ZBTB20: variants seen among roughly 807,000 people sequenced by gnomAD.
ZBTB20 encodes zinc finger and BTB domain containing 20.
ZBTB20 carries 9 observed loss-of-function variants against 56.9 expected under a neutral mutation model. The observed-to-expected ratio is 0.16, with a 90% CI of 0.10 to 0.28. The LOEUF (loss-of-function observed/expected upper bound fraction) is 0.28, where lower values mean the gene tolerates loss of function less well. Ranked by LOEUF, ZBTB20 falls within the 10% of genes least tolerant of loss-of-function variation. The pLI is 1.00. For synonymous variants in ZBTB20, 417 were observed against 420.7 expected (o/e 0.99, Z 0.11); for missense variants, 655 against 1,003.0 (o/e 0.65, Z 4.69).
At chr3:114,627,338 C>T (rs1277888708) in intron 6 of ZBTB20, among the ~76,000 whole-genome samples, 1 of 152,186 alleles carries the variant, frequency 6.6e-6, no homozygotes, top group African/African-American at 2.4e-5. Flanking sequence ...TCAAATTACT[C>T]TGCGCTTCCA....
At chr3:114,571,088 G>A (rs1203338600) in intron 6 of ZBTB20, among the ~76,000 whole-genome samples, 1 of 151,992 alleles carries the variant, frequency 6.6e-6, no homozygotes, top group African/African-American at 2.4e-5. Flanking sequence ...ATTAAAAAAA[G>A]AAAGAAAATA....
At chr3:114,735,847 C>T (rs2108566443) in intron 5 of ZBTB20, among the ~76,000 whole-genome samples, 1 of 151,956 alleles carries the variant, frequency 6.6e-6, no homozygotes, top group Admixed American at 6.6e-5. Flanking sequence ...ACAGAGTGAG[C>T]CAAAAAGGAT....
chr3:114,991,768 C>A lies in ZBTB20; in HGVS notation c.-506-17352G>T, dbSNP rs536611101. On this transcript the variant is annotated intron_variant, in intron 2 of 11. Transcript: ENST00000675478. The stretch of plus-strand genomic sequence containing the variant: ...CTCTTTGTAGGTCTCTAAGGACTTG[C>A]TTTATGAATCTGGGTGCTCCTGTAT... Among the ~76,000 whole-genome samples, 572 of 152,174 alleles carry A rather than the reference C, an allele frequency of 3.8e-3. 4 individuals carry two copies. The highest frequency in any genetic ancestry group is 0.013 in the African/African-American group (533 of 41,536).
At chr3:114,636,370 G>A (rs983106746) in intron 6 of ZBTB20, among the ~76,000 whole-genome samples, 3 of 152,042 alleles carry the variant, frequency 2.0e-5, no homozygotes, top group Non-Finnish European at 4.4e-5. Context: ...ATAAAGTCAA[G>A]TATATAGTCA....
intron 10 of ZBTB20, among the ~76,000 whole-genome samples, chr3:114,373,898 A>T (rs2083312322): frequency 6.6e-6 from 1 of 152,226 alleles, no homozygotes; most frequent in Non-Finnish European, 1.5e-5. Context: ...GTAGGGAAAT[A>T]ATAAGTTTTA....
At chr3:114,725,826 T>C (rs901641349) in intron 5 of ZBTB20, among the ~76,000 whole-genome samples, 3 of 152,122 alleles carry the variant, frequency 2.0e-5, no homozygotes, top group African/African-American at 7.2e-5. Context: ...TGAGAAAAGT[T>C]TTTCAGCATT....
intron 3 of ZBTB20, among the ~76,000 whole-genome samples, chr3:114,926,232 G>C (rs1183945834): frequency 2.0e-5 from 3 of 149,832 alleles, no homozygotes; most frequent in African/African-American, 7.3e-5. Flanking sequence ...GATGCCCTCA[G>C]AAAAAGCCTC....
chr3:114,841,381 G>A lies in ZBTB20; in HGVS notation c.-416-40207C>T, dbSNP rs150055130. ...TGGTGCACCGAAGGCATGAAAACAC[G>A]TTTAGTATGACTAGAGCATAGAATG... On this transcript the variant is annotated intron_variant, in intron 4 of 11. Transcript: ENST00000675478. 5.2e-3 allele frequency among the ~76,000 whole-genome samples: 788 copies of A among 152,238 alleles called. 10 individuals are homozygous for A. The highest frequency in any genetic ancestry group is 0.042 in the South Asian group (200 of 4,814).
chr3:114,544,398 C>T (rs2049475542), intron 6 of ZBTB20, among the ~76,000 whole-genome samples: 1 of 150,054 alleles, frequency 6.7e-6, no homozygotes, highest in Non-Finnish European at 1.5e-5. Context: ...CTCTTAAAAA[C>T]TAGATTTCTT....
intron 3 of ZBTB20, among the ~76,000 whole-genome samples, chr3:114,925,698 T>C (rs924400882): frequency 1.3e-5 from 2 of 152,076 alleles, no homozygotes; most frequent in African/African-American, 4.8e-5. Flanking sequence ...GGCTAAATTT[T>C]TGTATTTTTA....
intron 4 of ZBTB20, among the ~76,000 whole-genome samples, chr3:114,858,927 T>C (rs2075366654): frequency 6.6e-6 from 1 of 152,138 alleles, no homozygotes; most frequent in Non-Finnish European, 1.5e-5. Flanking sequence ...TTGCAGGTAT[T>C]TGAAGTATAT....
chr3:115,079,315 A>C (rs1027114666), intron 1 of ZBTB20, among the ~76,000 whole-genome samples: 2 of 152,218 alleles, frequency 1.3e-5, no homozygotes, highest in Admixed American at 1.3e-4. Flanking sequence ...AAGTAATGGA[A>C]ATATGTGCGC....
At chr3:114,930,894 C>T (rs2076333984) in intron 3 of ZBTB20, 2 of 232,486 alleles carry the variant, frequency 8.6e-6, no homozygotes, top group South Asian at 7.3e-5. Flanking sequence ...CCTGTAGAGT[C>T]CAGTTGATAG....
At position 114,869,928 on chromosome 3, in the gene ZBTB20, A is replaced by T. The variant is rs2075922011; in HGVS notation, c.-417+30376T>A. ...CTAAATTGGACATGTGATAATACAT[A>T]AAATCTATCTGATAAAAAGTGTGTA... On this transcript the variant is annotated intron_variant, in intron 4 of 11. Transcript: ENST00000675478. 2.0e-5 allele frequency among the ~76,000 whole-genome samples: 3 copies of T among 152,226 alleles called. No homozygotes were observed. The South Asian group carries it at 6.2e-4, about 31-fold the overall frequency.
At chr3:114,513,734 C>CG (rs1312995119) in intron 6 of ZBTB20, among the ~76,000 whole-genome samples, 2 of 152,088 alleles carry the variant, frequency 1.3e-5, no homozygotes, top group Non-Finnish European at 2.9e-5. Context: ...TAAGGGAACT[C>CG]GGGAAAAGAA....
At chr3:114,924,271 T>C (rs1046388042) in intron 3 of ZBTB20, among the ~76,000 whole-genome samples, 1 of 152,204 alleles carries the variant, frequency 6.6e-6, no homozygotes, top group Non-Finnish European at 1.5e-5. Context: ...TATTGCAGCA[T>C]TATTCATAAT....
intron 6 of ZBTB20, among the ~76,000 whole-genome samples, chr3:114,537,284 A>C (rs1420154295): frequency 6.6e-6 from 1 of 152,164 alleles, no homozygotes; most frequent in Non-Finnish European, 1.5e-5. Flanking sequence ...ATTTAAACAA[A>C]TTTACAAGAA....
chr3:114,466,434 C>T (rs908878863), intron 7 of ZBTB20, among the ~76,000 whole-genome samples: 1 of 152,182 alleles, frequency 6.6e-6, no homozygotes, highest in Non-Finnish European at 1.5e-5. Flanking sequence ...TATCTGTTGC[C>T]TCCATGAGAA....
At chr3:115,109,244 G>A (rs950021269) in intron 1 of ZBTB20, among the ~76,000 whole-genome samples, 3 of 152,004 alleles carry the variant, frequency 2.0e-5, no homozygotes, top group African/African-American at 7.3e-5. Context: ...CAAAAGGAAA[G>A]GAAAGAGAAA....
Sources: allele counts gnomAD v4.1 joint callset (sites outside exome capture counted in the v4.1 genomes callset), GRCh38; gene constraint gnomAD v4.1.1; transcripts MANE v1.5; gene names NCBI Gene and HGNC (gene_info 2026-07-23, HGNC 2026-07-21).